Variants in SCRN1 observed in about 807,000 individuals in gnomAD.
The protein encoded by SCRN1 is secernin-1.
A neutral mutation model predicts 43.3 loss-of-function variants in SCRN1; 19 were observed. That is an observed-to-expected ratio of 0.44 (90% CI 0.31 to 0.64). The LOEUF (loss-of-function observed/expected upper bound fraction) is 0.64. Ranked by LOEUF, SCRN1 falls within the 30% of genes least tolerant of loss-of-function variation. SCRN1 has a pLI of 0.09. For synonymous variants in SCRN1, 183 were observed against 188.9 expected (o/e 0.97, Z 0.26); for missense variants, 447 against 524.1 (o/e 0.85, Z 1.44).
chr7:29,928,723 G>A (rs569297081), intron 6 of SCRN1, among the ~76,000 whole-genome samples: 90 of 152,208 alleles, frequency 5.9e-4, no homozygotes, highest in African/African-American at 2.1e-3. Flanking sequence ...AGACATAGGG[G>A]AGCTACCCTT....
Position 29,989,785 on chromosome 7 carries a change from T to C in SCRN1, c.-145A>G. 1.0e-6 allele frequency: 1 copy of C among 986,642 alleles called. No homozygotes were observed. The highest frequency in any genetic ancestry group is 1.2e-6 in the Non-Finnish European group (1 of 831,122). The allele number at this position is 986,642 out of a possible 1,614,324, so 61.1% of individuals were successfully genotyped here. On this transcript the variant is annotated 5_prime_UTR_variant, in exon 1 of 8. Coordinates refer to ENST00000242059, the MANE Select transcript of SCRN1 (RefSeq NM_014766.5). ...GTGGCGGAGGCGGCCGCCGGGCGCT[T>C]CCCCCTACCCAGACTCCCGGCGCTG...
At chr7:29,940,150 C>T (rs1013307448) in intron 5 of SCRN1, among the ~76,000 whole-genome samples, 6 of 152,036 alleles carry the variant, frequency 3.9e-5, no homozygotes, top group Non-Finnish European at 8.8e-5. Context: ...AACAGAGTGA[C>T]ATCCTGTCTC....
At chr7:29,936,970 C>T (rs1015757838) in intron 5 of SCRN1, among the ~76,000 whole-genome samples, 3 of 152,044 alleles carry the variant, frequency 2.0e-5, no homozygotes, top group African/African-American at 7.2e-5. Context: ...GGTGTGAACC[C>T]GGGAGGCAGA....
chr7:29,976,276 C>T (rs548284300), intron 1 of SCRN1, among the ~76,000 whole-genome samples: 5 of 152,096 alleles, frequency 3.3e-5, no homozygotes, highest in South Asian at 4.2e-4. Context: ...GCTAGTTCAA[C>T]GAAGGAACCA....
chr7:29,922,401 T>C lies in SCRN1; in HGVS notation c.*1556A>G, dbSNP rs906317640. 1 of 152,258 alleles carries C rather than the reference T, an allele frequency of 6.6e-6. No individual in the cohort carries two copies. Among genetic ancestry groups the C allele is most frequent in the Non-Finnish European group, 1.5e-5 (1 of 68,042 alleles). 9.4% of individuals were successfully genotyped at this position (152,258 alleles called of 1,614,324 possible). A position where few individuals can be genotyped will look rare whatever the true frequency, so the allele number is the denominator to read the frequency against. On this transcript the variant is annotated 3_prime_UTR_variant, in exon 8 of 8. Coordinates refer to ENST00000242059, the MANE Select transcript of SCRN1 (RefSeq NM_014766.5). ...GCTCGGTCCCCTCAAAATCTCATGATACAGCTTCTGGGAAGGAGTTATTAA... is the reference window on the plus strand; with the variant it reads ...GCTCGGTCCCCTCAAAATCTCATGACACAGCTTCTGGGAAGGAGTTATTAA...
At chr7:29,936,793 T>C in intron 5 of SCRN1, 72 bp from the exon 6 acceptor site, 1 of 1,289,806 alleles carries the variant, frequency 7.8e-7, no homozygotes, top group East Asian at 2.6e-5. Context: ...ACGCCTGTAA[T>C]CCCAGCACTT....
chr7:29,955,127 C>A lies in SCRN1; in HGVS notation c.341+52G>T, dbSNP rs908770026. ...GGTTTAGGGAGAAATAAATCCTGTCCCCATTTCCAACCTTTTCTAGGAAGT... is the reference window on the plus strand; with the variant it reads ...GGTTTAGGGAGAAATAAATCCTGTCACCATTTCCAACCTTTTCTAGGAAGT... On this transcript the variant is annotated intron_variant, in intron 3 of 7. Coordinates refer to ENST00000242059, the MANE Select transcript of SCRN1 (RefSeq NM_014766.5). The A allele has an allele frequency of 2.0e-6, 3 of 1,514,294 alleles. No individual in the cohort carries two copies. The African/African-American group carries it at 4.1e-5, about 21-fold the overall frequency. The allele number at this position is 1,514,294 out of a possible 1,614,324, so 93.8% of individuals were successfully genotyped here. A position where few individuals can be genotyped will look rare whatever the true frequency, so the allele number is the denominator to read the frequency against.
rs1277419699 is a variant in SCRN1, at chr7:29,950,979, A to T, written c.341+4200T>A. Reference sequence around the variant, plus strand: ...GCCAAATGGTGGGACTGAAAGAGCTATAACACAAACAGTGCTGAAGCACAC... The same window carrying T: ...GCCAAATGGTGGGACTGAAAGAGCTTTAACACAAACAGTGCTGAAGCACAC... On this transcript the variant is annotated intron_variant, in intron 3 of 7. Coordinates refer to ENST00000242059, the MANE Select transcript of SCRN1 (RefSeq NM_014766.5). This position sits in a 1 kb window ranked among gnomAD's most constrained non-coding sequence, Gnocchi z 4.5. 6.6e-6 allele frequency among the ~76,000 whole-genome samples: 1 copy of T among 152,238 alleles called. No individual in the cohort carries two copies. Among genetic ancestry groups the T allele is most frequent in the Non-Finnish European group, 1.5e-5 (1 of 68,040 alleles).
chr7:29,974,681 C>CTT lies in SCRN1; in HGVS notation c.-1-5615_-1-5614dup, dbSNP rs754103658. On this transcript the variant is annotated intron_variant, in intron 1 of 7. Coordinates refer to ENST00000242059, the MANE Select transcript of SCRN1 (RefSeq NM_014766.5). ...TATTTGTTTACACGATTCTTTCTTT[C>CTT]TTTCTTTTTTTTTTTTTTTTGAGAT... is the stretch of plus-strand genomic sequence containing the variant. Among the ~76,000 whole-genome samples the CTT allele has an allele frequency of 5.1e-3, 729 of 142,062 alleles. 14 individuals are homozygous for CTT. The highest frequency in any genetic ancestry group is 0.016 in the African/African-American group (608 of 37,906). The allele number at this position is 142,062 out of a possible 152,430, so 93.2% of individuals were successfully genotyped here.
rs148839915 is a variant in SCRN1 at position 29,926,328 on chromosome 7, A to G, written c.1086+124T>C. ...GCCCCAGGAACCTGGTCTCTGGGAG[A>G]AGCCCGGTCACACTGGATGGGTGGG... On this transcript the variant is annotated intron_variant, in intron 7 of 7. Coordinates refer to ENST00000242059, the MANE Select transcript of SCRN1 (RefSeq NM_014766.5). 1.4e-3 allele frequency: 1,392 copies of G among 1,011,756 alleles called. 26 individuals carry two copies. In the African/African-American group the frequency reaches 0.02, roughly 15 times the overall value. The allele number at this position is 1,011,756 out of a possible 1,614,324, so 62.7% of individuals were successfully genotyped here. A position where few individuals can be genotyped will look rare whatever the true frequency, so the allele number is the denominator to read the frequency against.
chr7:29,924,718 G>GA (rs896962699), intron 7 of SCRN1, among the ~76,000 whole-genome samples: 31 of 148,490 alleles, frequency 2.1e-4, no homozygotes, highest in East Asian at 9.8e-4. Context: ...TTCATTGAAT[G>GA]AAAAAAAAAA....
intron 6 of SCRN1, among the ~76,000 whole-genome samples, chr7:29,926,845 C>A (rs1356042063): frequency 1.3e-5 from 2 of 152,116 alleles, no homozygotes; most frequent in African/African-American, 4.8e-5. Context: ...GCTGCAAATT[C>A]CTCTACTTAC....
intron 1 of SCRN1, among the ~76,000 whole-genome samples, chr7:29,972,899 A>T (rs1472130720): frequency 2.0e-5 from 3 of 152,234 alleles, no homozygotes; most frequent in African/African-American, 7.2e-5. Flanking sequence ...CATTTTATTC[A>T]AAACGTAAAT....
chr7:29,933,648 C>T (rs534745886), intron 6 of SCRN1, among the ~76,000 whole-genome samples: 1 of 152,344 alleles, frequency 6.6e-6, no homozygotes, highest in East Asian at 1.9e-4. Flanking sequence ...TTCTGCATCT[C>T]CCTCAGGCAT....
At chr7:29,933,224 C>G (rs1467315603) in intron 6 of SCRN1, among the ~76,000 whole-genome samples, 1 of 152,130 alleles carries the variant, frequency 6.6e-6, no homozygotes, top group African/African-American at 2.4e-5. Flanking sequence ...ATGTGGGGAC[C>G]TCTCAGTGGT....
chr7:29,926,645 G>A lies in SCRN1; in HGVS notation c.906-13C>T. 1 of 1,605,960 alleles carries A rather than the reference G, an allele frequency of 6.2e-7. No homozygotes were observed. The highest frequency in any genetic ancestry group is 8.5e-7 in the Non-Finnish European group (1 of 1,174,286). Reference sequence around the variant, plus strand: ...CTTGAATATGGACCTGGAGAGGAAGGAGAGGCACTTCAGCCAGGCAGAGGC... The same window carrying A: ...CTTGAATATGGACCTGGAGAGGAAGAAGAGGCACTTCAGCCAGGCAGAGGC... On this transcript the variant is annotated splice_polypyrimidine_tract_variant and intron_variant, in intron 6 of 7. Coordinates refer to ENST00000242059, the MANE Select transcript of SCRN1 (RefSeq NM_014766.5).
chr7:29,979,635 G>A (rs1008874378), intron 1 of SCRN1, among the ~76,000 whole-genome samples: 3 of 152,110 alleles, frequency 2.0e-5, no homozygotes, highest in Admixed American at 6.6e-5. Flanking sequence ...TATCCACCCC[G>A]CTGTGCATTC....
intron 1 of SCRN1, among the ~76,000 whole-genome samples, chr7:29,974,685 C>CTTTTTTTTT (rs1183202361): frequency 1.1e-4 from 15 of 134,188 alleles, no homozygotes; most frequent in Admixed American, 1.5e-4. Context: ...TTCTTTCTTT[C>CTTTTTTTTT]TTTTTTTTTT....
At chr7:29,987,203 C>T (rs1789188424) in intron 1 of SCRN1, among the ~76,000 whole-genome samples, 1 of 152,180 alleles carries the variant, frequency 6.6e-6, no homozygotes, top group Non-Finnish European at 1.5e-5. Flanking sequence ...CCAGAAGAAA[C>T]GTTTTCCACA....
Sources: allele counts gnomAD v4.1 joint callset (sites outside exome capture counted in the v4.1 genomes callset), GRCh38; gene constraint gnomAD v4.1.1; non-coding constraint Gnocchi (gnomAD v3.1); transcripts MANE v1.5; gene names NCBI Gene and HGNC (gene_info 2026-07-23, HGNC 2026-07-21).